TTC7A: variants seen among roughly 807,000 people sequenced by gnomAD.
The protein encoded by TTC7A is tetratricopeptide repeat domain 7A.
TTC7A carries 110 observed loss-of-function variants against 103.7 expected under a neutral mutation model. The observed-to-expected ratio is 1.06, with a 90% CI of 0.91 to 1.24. TTC7A has a LOEUF of 1.24. Among genes scored for constraint, TTC7A ranks in the 50% most tolerant of loss-of-function variants. The pLI is 0.00. For missense variants in TTC7A, 1,340 were observed against 1,116.3 expected (o/e 1.20, Z -2.86); for synonymous variants, 521 against 467.9 (o/e 1.11, Z -1.47).
chr2:46,920,454 C>T (rs1020623802), intron 2 of TTC7A, among the ~76,000 whole-genome samples: 8 of 151,998 alleles, frequency 5.3e-5, no homozygotes, highest in Admixed American at 3.3e-4. Flanking sequence ...CTCAGCCTCC[C>T]AAGTTGCTGG....
At chr2:46,981,100 C>G (rs566669098) in intron 5 of TTC7A, among the ~76,000 whole-genome samples, 2 of 152,174 alleles carry the variant, frequency 1.3e-5, no homozygotes, top group East Asian at 1.9e-4. Flanking sequence ...CACTGGTGAT[C>G]AGCTCAACCT....
At chr2:47,001,859 CAAAAA>C (rs397871545) in intron 8 of TTC7A, among the ~76,000 whole-genome samples, 3 of 90,478 alleles carry the variant, frequency 3.3e-5, no homozygotes. Context: ...GACTCTGTCT[CAAAAA>C]AAAAAAAAAA....
chr2:46,978,770 C>A, intron 4 of TTC7A, 22 bp from the exon 5 acceptor site: 2 of 1,603,158 alleles, frequency 1.2e-6, no homozygotes, highest in Non-Finnish European at 1.7e-6. Context: ...GACAATGGCT[C>A]TCTCTCTGTT....
At position 47,006,063 on chromosome 2, in the gene TTC7A, C is replaced by T. The variant is rs147621000; in HGVS notation, c.1203+4C>T. The stretch of plus-strand genomic sequence containing the variant: ...ACAGTACGTCATGCTCTCGGAGGTA[C>T]GGCCGGCCATGCAGCCCACCCCACT... On this transcript the variant is annotated splice_donor_region_variant and intron_variant, in intron 9 of 19. Coordinates refer to ENST00000319190, the MANE Select transcript of TTC7A (RefSeq NM_020458.4). The T allele has an allele frequency of 9.7e-5, 156 of 1,611,568 alleles. 1 individual carries two copies. The highest frequency in any genetic ancestry group is 2.4e-4 in the African/African-American group (18 of 74,908).
intron 2 of TTC7A, among the ~76,000 whole-genome samples, chr2:46,927,668 A>G (rs1337633538): frequency 2.0e-5 from 3 of 151,916 alleles, no homozygotes; most frequent in Non-Finnish European, 4.4e-5. Context: ...CAAAAAAAAG[A>G]TTATTATTAA....
At chr2:47,055,251 T>C (rs554907144) in intron 18 of TTC7A, among the ~76,000 whole-genome samples, 1 of 152,262 alleles carries the variant, frequency 6.6e-6, no homozygotes, top group Admixed American at 6.5e-5. Context: ...CCTGGTTTGG[T>C]TCAAGATAAA....
At position 47,073,877 on chromosome 2, in the gene TTC7A, C is replaced by G; in HGVS notation, c.2531C>G (p.Ala844Gly). The G allele has an allele frequency of 1.9e-6, 3 of 1,613,498 alleles. No homozygotes were observed. The highest frequency in any genetic ancestry group is 2.2e-5 in the East Asian group (1 of 44,866). ...TTCCTCACCGCCCTTGAGCTGGAGG[C>G]CAGCAGCCCTGTACTGCCCTTCTCC... ...DCFLTALELE[A>G]SSPVLPFSII... is the part of the protein sequence containing the mutation. Residue 844 changes from alanine (A) to glycine (G), a missense_variant, in exon 20 of 20, where the codon GCC (alanine) becomes GGC (glycine). Coordinates refer to ENST00000319190, the MANE Select transcript of TTC7A (RefSeq NM_020458.4).
chr2:46,995,934 G>T (rs188164416), intron 8 of TTC7A, among the ~76,000 whole-genome samples: 5 of 152,336 alleles, frequency 3.3e-5, no homozygotes, highest in African/African-American at 1.2e-4. Context: ...GAACACAGAG[G>T]AGAAGACAAA....
intron 5 of TTC7A, among the ~76,000 whole-genome samples, chr2:46,979,557 C>G (rs1674231098): frequency 6.6e-6 from 1 of 152,088 alleles, no homozygotes; most frequent in African/African-American, 2.4e-5. Flanking sequence ...GCTTTTGCTC[C>G]TGGGTGAAGC....
At position 47,045,626 on chromosome 2, in the gene TTC7A, A is replaced by G. The variant is rs76396802; in HGVS notation, c.1803-689A>G. 8.4e-3 allele frequency: 1,276 copies of G among 152,400 alleles called. 9 individuals are homozygous for G. The highest frequency in any genetic ancestry group is 0.014 in the Non-Finnish European group (948 of 68,054). The allele number at this position is 152,400 out of a possible 1,614,324, so 9.4% of individuals were successfully genotyped here. On this transcript the variant is annotated intron_variant, in intron 15 of 19. Transcript: ENST00000319190. ...AAGGATTTCACGTCACTTTAATCCT[A>G]TGGATTATATAAGGGGAGCTGGCTA...
Position 47,001,859 on chromosome 2 carries a change from CAAAA to C in TTC7A, c.1066-4046_1066-4043del, listed in dbSNP as rs397871545. On this transcript the variant is annotated intron_variant, in intron 8 of 19. Transcript: ENST00000319190. ...GGGCAACAAGAGCGAGACTCTGTCT[CAAAA>C]AAAAAAAAAAAAAAAAGAGTAATGC... Among the ~76,000 whole-genome samples, 4 of 90,474 alleles carry C rather than the reference CAAAA, an allele frequency of 4.4e-5. No individual in the cohort carries two copies. The South Asian group carries it at 1.6e-3, about 36-fold the overall frequency. 59.4% of individuals were successfully genotyped at this position (90,474 alleles called of 152,430 possible).
chr2:46,963,669 GATATTT>G (rs1007478090), intron 3 of TTC7A, among the ~76,000 whole-genome samples: 1 of 152,238 alleles, frequency 6.6e-6, no homozygotes, highest in African/African-American at 2.4e-5. Context: ...GGAGGGACTG[GATATTT>G]ATGGCCCCTT....
intron 3 of TTC7A, among the ~76,000 whole-genome samples, chr2:46,973,791 T>C (rs1287220995): frequency 6.6e-6 from 1 of 152,082 alleles, no homozygotes; most frequent in African/African-American, 2.4e-5. Flanking sequence ...AAAAGTCGGG[T>C]ACAGTCCAAC....
chr2:46,983,317 A>T (rs79977444), intron 5 of TTC7A, among the ~76,000 whole-genome samples: 1 of 151,836 alleles, frequency 6.6e-6, no homozygotes, highest in African/African-American at 2.4e-5. Flanking sequence ...GCCTCGCTCC[A>T]CCTCCACCAT....
chr2:47,047,215 TC>T, intron 16 of TTC7A: 1 of 1,041,356 alleles, frequency 9.6e-7, no homozygotes, highest in Non-Finnish European at 1.4e-6. Flanking sequence ...CTGTGTCATC[TC>T]CCTGAGGCCT....
At chr2:47,055,818 G>T (rs577621287) in intron 18 of TTC7A, among the ~76,000 whole-genome samples, 1 of 152,160 alleles carries the variant, frequency 6.6e-6, no homozygotes, top group Non-Finnish European at 1.5e-5. Flanking sequence ...AGACTTGGGG[G>T]GCTGGGGTGG....
chr2:47,033,093 A>G (rs924693784), intron 15 of TTC7A, among the ~76,000 whole-genome samples: 5 of 152,170 alleles, frequency 3.3e-5, no homozygotes, highest in African/African-American at 1.2e-4. Flanking sequence ...AGTCCATTAC[A>G]GGTCAGGGAT....
At chr2:46,968,337 C>T (rs1411747942) in intron 3 of TTC7A, among the ~76,000 whole-genome samples, 2 of 152,218 alleles carry the variant, frequency 1.3e-5, no homozygotes, top group Non-Finnish European at 2.9e-5. Flanking sequence ...TGTTACAACC[C>T]TCCGATGCCT....
chr2:46,993,444 C>T lies in TTC7A; in HGVS notation c.765-6C>T, dbSNP rs2104381156. 3 of 1,614,142 alleles carry T rather than the reference C, an allele frequency of 1.9e-6. No homozygotes were observed. The highest frequency in any genetic ancestry group is 2.5e-6 in the Non-Finnish European group (3 of 1,179,980). Reference sequence around the variant, plus strand: ...AACAAATCTACTTCTGCCGTCCTCCCACCAGGAACATCGTGAAGGGCATGA... The same window carrying T: ...AACAAATCTACTTCTGCCGTCCTCCTACCAGGAACATCGTGAAGGGCATGA... On this transcript the variant is annotated splice_region_variant and splice_polypyrimidine_tract_variant and intron_variant, in intron 5 of 19. Coordinates refer to ENST00000319190, the MANE Select transcript of TTC7A (RefSeq NM_020458.4).
Sources: allele counts gnomAD v4.1 joint callset (sites outside exome capture counted in the v4.1 genomes callset), GRCh38; gene constraint gnomAD v4.1.1; transcripts MANE v1.5; gene names NCBI Gene and HGNC (gene_info 2026-07-23, HGNC 2026-07-21).